The following NEK10 variants were observed in gnomAD, a reference collection of about 807,000 sequenced individuals.
NEK10 encodes serine/threonine-protein kinase Nek10.
NEK10 carries 122 observed loss-of-function variants against 159.8 expected under a neutral mutation model. The observed-to-expected ratio is 0.76, with a 90% CI of 0.66 to 0.89. NEK10 has a LOEUF of 0.89. Among genes scored for constraint, NEK10 ranks in the 40% least tolerant of loss-of-function variants. The pLI is 0.00. For missense variants in NEK10, 1,342 were observed against 1,323.1 expected, an observed-to-expected ratio of 1.01 and a Z score of -0.22; for synonymous variants, 466 against 457.1, an observed-to-expected ratio of 1.02 and a Z score of -0.25.
At chr3:27,335,370 G>T (rs1410705891) in intron 5 of NEK10, among the ~76,000 whole-genome samples, 10 of 149,262 alleles carry the variant, frequency 6.7e-5, no homozygotes, top group Non-Finnish European at 1.3e-4. Context: ...AATAATACTA[G>T]ATCTAAAGAG....
intron 23 of NEK10, among the ~76,000 whole-genome samples, chr3:27,239,565 G>C (rs992971558): frequency 1.2e-4 from 18 of 152,154 alleles, no homozygotes; most frequent in Non-Finnish European, 1.6e-4. Flanking sequence ...TAAAAATGCA[G>C]CACTAAAATC....
At chr3:27,287,516 G>C (rs910916458) in intron 20 of NEK10, among the ~76,000 whole-genome samples, 182 bp downstream of exon 20, 3 of 152,048 alleles carry the variant, frequency 2.0e-5, no homozygotes, top group African/African-American at 7.2e-5. Flanking sequence ...CTATCTTCAG[G>C]TGACTGACTA....
intron 23 of NEK10, among the ~76,000 whole-genome samples, chr3:27,226,453 G>T (rs1339175797): frequency 6.6e-6 from 1 of 152,166 alleles, no homozygotes; most frequent in Non-Finnish European, 1.5e-5. Context: ...CCATGTCTAG[G>T]TAGTCCATAG....
chr3:27,366,905 G>A (rs553597703), intron 1 of NEK10, among the ~76,000 whole-genome samples: 37 of 146,516 alleles, frequency 2.5e-4, no homozygotes, highest in Non-Finnish European at 5.0e-4. Flanking sequence ...TCCGCCTCCC[G>A]GTTCAAGGGA....
chr3:27,299,537 T>C (rs1319777419), intron 13 of NEK10, among the ~76,000 whole-genome samples: 1 of 152,174 alleles, frequency 6.6e-6, no homozygotes, highest in Non-Finnish European at 1.5e-5. Context: ...GGGTACTGCC[T>C]AGTGGAGCTG....
At chr3:27,147,216 A>G (rs1944383052) in intron 30 of NEK10, among the ~76,000 whole-genome samples, 1 of 152,216 alleles carries the variant, frequency 6.6e-6, no homozygotes, top group Non-Finnish European at 1.5e-5. Flanking sequence ...AGTGCACTGT[A>G]GCTGTTTCCA....
intron 23 of NEK10, among the ~76,000 whole-genome samples, chr3:27,209,655 G>A (rs1950830017): frequency 6.6e-6 from 1 of 152,166 alleles, no homozygotes; most frequent in Admixed American, 6.5e-5. Flanking sequence ...TGGAGTAGAA[G>A]CCATCAGAAT....
intron 5 of NEK10, among the ~76,000 whole-genome samples, chr3:27,337,137 A>T (rs943852511): frequency 1.3e-5 from 2 of 152,194 alleles, no homozygotes; most frequent in African/African-American, 4.8e-5. Context: ...CAGGATACAA[A>T]ATCAACCTAC....
intron 5 of NEK10, among the ~76,000 whole-genome samples, chr3:27,342,428 C>A (rs1161115116): frequency 6.6e-6 from 1 of 152,126 alleles, no homozygotes; most frequent in Non-Finnish European, 1.5e-5. Flanking sequence ...TAGAATAGAA[C>A]TGAACATAAC....
At chr3:27,163,757 T>TGTACTAGGTA (rs1946236346) in intron 29 of NEK10, among the ~76,000 whole-genome samples, 5 of 152,356 alleles carry the variant, frequency 3.3e-5, no homozygotes, top group Middle Eastern at 6.8e-3. Flanking sequence ...CAAAAATATA[T>TGTACTAGGTA]CATACATGTA....
chr3:27,364,429 T>C (rs527978868), intron 1 of NEK10, among the ~76,000 whole-genome samples: 2 of 151,066 alleles, frequency 1.3e-5, no homozygotes, highest in East Asian at 2.0e-4. Flanking sequence ...GGTTTCACCA[T>C]GTTGGCCAGG....
intron 12 of NEK10, among the ~76,000 whole-genome samples, chr3:27,302,598 C>T (rs552851380): frequency 6.6e-6 from 1 of 152,220 alleles, no homozygotes; most frequent in Non-Finnish European, 1.5e-5. Context: ...CACTTTCTTC[C>T]ATAATAGTTC....
intron 25 of NEK10, among the ~76,000 whole-genome samples, chr3:27,195,080 T>G (rs755486985): frequency 6.6e-6 from 1 of 152,148 alleles, no homozygotes; most frequent in Non-Finnish European, 1.5e-5. Flanking sequence ...TGAGCTCTAC[T>G]TGACAAGGAT....
rs1048912218 is a variant in NEK10 at position 27,254,828 on chromosome 3, A to T, written c.2090+1468T>A. Among the ~76,000 whole-genome samples, 12 of 152,192 alleles carry T rather than the reference A, an allele frequency of 7.9e-5. 1 individual carries two copies. In the South Asian group the frequency reaches 1.0e-3, roughly 13 times the overall value. On this transcript the variant is annotated intron_variant, in intron 23 of 35. Coordinates refer to ENST00000691995, the MANE Select transcript of NEK10 (RefSeq NM_001394966.1). The stretch of plus-strand genomic sequence containing the variant: ...CAGTTAATTTAAAAATTAAATGAAA[A>T]TGTGAAGCCGTGTTTGCGCTAATAC...
chr3:27,218,155 C>A, intron 23 of NEK10, among the ~76,000 whole-genome samples: 1 of 152,176 alleles, frequency 6.6e-6, no homozygotes, highest in East Asian at 1.9e-4. Context: ...AGATTCACAT[C>A]CCAGGTGAGA....
At chr3:27,133,526 G>T (rs1942846356) in intron 31 of NEK10, among the ~76,000 whole-genome samples, 1 of 152,176 alleles carries the variant, frequency 6.6e-6, no homozygotes, top group African/African-American at 2.4e-5. Flanking sequence ...TTTAATCCCA[G>T]CACTTTGGGA....
chr3:27,282,629 A>G (rs1261829717), intron 22 of NEK10, among the ~76,000 whole-genome samples: 1 of 139,238 alleles, frequency 7.2e-6, no homozygotes, highest in East Asian at 2.0e-4. Flanking sequence ...ATATATATAT[A>G]CATAACTGTG....
At chr3:27,238,449 T>C (rs1295374432) in intron 23 of NEK10, among the ~76,000 whole-genome samples, 2 of 152,212 alleles carry the variant, frequency 1.3e-5, no homozygotes, top group Non-Finnish European at 2.9e-5. Context: ...GATTTTCTAA[T>C]AAGAAAACAA....
intron 22 of NEK10, among the ~76,000 whole-genome samples, chr3:27,274,650 T>TACAC (rs529263729): frequency 2.0e-5 from 3 of 151,484 alleles, no homozygotes; most frequent in South Asian, 2.1e-4. Context: ...CATGCAGGCA[T>TACAC]ACACACACAC....
Sources: gnomAD v4.1 joint callset for allele counts (sites outside exome capture counted in the v4.1 genomes callset) on GRCh38, gnomAD v4.1.1 for gene constraint, MANE v1.5 for transcripts, NCBI Gene and HGNC (gene_info 2026-07-23, HGNC 2026-07-21) for gene names.